Variants in IKZF2 observed in about 807,000 individuals in gnomAD.
The protein encoded by IKZF2 is IKAROS family zinc finger 2.
IKZF2 carries 15 observed loss-of-function variants against 49.2 expected under a neutral mutation model. The ratio of observed to expected loss-of-function variants is 0.30; its 90% CI spans 0.20 to 0.47. The LOEUF (loss-of-function observed/expected upper bound fraction) is 0.47, where lower values mean the gene tolerates loss of function less well. IKZF2 is among the 20% of genes least tolerant of loss of function. IKZF2 has a pLI of 1.00. For synonymous variants in IKZF2, 227 were observed against 221.4 expected (o/e 1.03, Z -0.23); for missense variants, 567 against 664.6 (o/e 0.85, Z 1.61).
chr2:213,024,661 G>T (rs527756807), intron 6 of IKZF2, among the ~76,000 whole-genome samples: 109 of 152,162 alleles, frequency 7.2e-4, no homozygotes, highest in Non-Finnish European at 1.2e-3. Context: ...TCTGAGACCT[G>T]TAGTCATTTA....
chr2:213,035,960 T>C (rs1400517605), intron 6 of IKZF2, among the ~76,000 whole-genome samples: 1 of 152,138 alleles, frequency 6.6e-6, no homozygotes, highest in Non-Finnish European at 1.5e-5. Flanking sequence ...CATGAGTATA[T>C]TGGAAGTTGG....
At chr2:213,077,935 G>A (rs897525443) in intron 4 of IKZF2, among the ~76,000 whole-genome samples, 1 of 152,088 alleles carries the variant, frequency 6.6e-6, no homozygotes, top group South Asian at 2.1e-4. Flanking sequence ...TAGTTTGGAA[G>A]ATAAAATTCT....
chr2:213,060,904 A>T, intron 4 of IKZF2, among the ~76,000 whole-genome samples: 1 of 151,580 alleles, frequency 6.6e-6, no homozygotes, highest in East Asian at 1.9e-4. Context: ...GGTCAAGTTT[A>T]TGTAGAAAAA....
At chr2:213,086,900 C>T (rs1039868797) in intron 4 of IKZF2, among the ~76,000 whole-genome samples, 1 of 152,106 alleles carries the variant, frequency 6.6e-6, no homozygotes. Context: ...GACTGGCTTT[C>T]CTCCAGGTTC....
chr2:213,031,090 T>C (rs1698381222), intron 6 of IKZF2, among the ~76,000 whole-genome samples: 1 of 152,204 alleles, frequency 6.6e-6, no homozygotes, highest in African/African-American at 2.4e-5. Context: ...CCTCCCAAAG[T>C]GCTGGGATTA....
chr2:213,151,140 T>C (rs1441272999), intron 1 of IKZF2, among the ~76,000 whole-genome samples: 1 of 152,024 alleles, frequency 6.6e-6, no homozygotes, highest in Non-Finnish European at 1.5e-5. Flanking sequence ...TCAACCCGAT[T>C]CCCTGAGCGT....
At chr2:213,106,132 T>C (rs2059516953) in intron 4 of IKZF2, among the ~76,000 whole-genome samples, 1 of 152,196 alleles carries the variant, frequency 6.6e-6, no homozygotes. Context: ...CATGATTAGC[T>C]ATTTCTCTTT....
rs895804810 is a variant in IKZF2, at chr2:213,002,264, A to G, written c.*5096T>C. 1 of 151,564 alleles carries G rather than the reference A, an allele frequency of 6.6e-6. No homozygotes were observed. The highest frequency in any genetic ancestry group is 1.9e-4 in the East Asian group (1 of 5,178). 9.4% of individuals were successfully genotyped at this position (151,564 alleles called of 1,614,324 possible). Reference sequence around the variant, plus strand: ...ACACAACACATATTTTATACAGAAAATATACAAATGCAGTGTTATGGGAGG... The same window carrying G: ...ACACAACACATATTTTATACAGAAAGTATACAAATGCAGTGTTATGGGAGG... On this transcript the variant is annotated 3_prime_UTR_variant, in exon 9 of 9. Transcript: ENST00000434687.
intron 4 of IKZF2, among the ~76,000 whole-genome samples, chr2:213,118,433 G>T (rs1332147374): frequency 4.6e-5 from 7 of 152,000 alleles, no homozygotes; most frequent in Non-Finnish European, 7.4e-5. Flanking sequence ...TATGTTATGT[G>T]GTATTTAAAG....
chr2:213,139,108 A>G (rs2125936349), intron 4 of IKZF2, among the ~76,000 whole-genome samples: 1 of 152,118 alleles, frequency 6.6e-6, no homozygotes, highest in African/African-American at 2.4e-5. Context: ...TACAAATTAA[A>G]GCAGAAATAT....
chr2:213,135,846 C>G (rs2060638865), intron 4 of IKZF2, among the ~76,000 whole-genome samples: 1 of 151,174 alleles, frequency 6.6e-6, no homozygotes, highest in African/African-American at 2.4e-5. Flanking sequence ...CTCAGGAGTA[C>G]GAGAGCGCCT....
chr2:213,129,792 T>C (rs1227333249), intron 4 of IKZF2, among the ~76,000 whole-genome samples: 1 of 152,176 alleles, frequency 6.6e-6, no homozygotes, highest in East Asian at 1.9e-4. Context: ...GAAATGATGA[T>C]AGACTAAAGT....
At chr2:213,058,115 G>A (rs1211927145) in intron 4 of IKZF2, among the ~76,000 whole-genome samples, 1 of 152,140 alleles carries the variant, frequency 6.6e-6, no homozygotes, top group African/African-American at 2.4e-5. Flanking sequence ...TAAAAAGGAA[G>A]TAAGTTCTTT....
At chr2:213,102,867 A>T (rs1706875739) in intron 4 of IKZF2, among the ~76,000 whole-genome samples, 1 of 152,090 alleles carries the variant, frequency 6.6e-6, no homozygotes, top group African/African-American at 2.4e-5. Context: ...TCAAGAGGAA[A>T]GCACATGTGA....
At chr2:213,047,624 T>C (rs969797105) in intron 6 of IKZF2, among the ~76,000 whole-genome samples, 3 of 152,076 alleles carry the variant, frequency 2.0e-5, no homozygotes, top group Non-Finnish European at 2.9e-5. Context: ...AAGCTGAGAA[T>C]ACTCACTAGC....
At chr2:213,063,519 A>C (rs887387319) in intron 4 of IKZF2, among the ~76,000 whole-genome samples, 1 of 152,138 alleles carries the variant, frequency 6.6e-6, no homozygotes, top group African/African-American at 2.4e-5. Context: ...TAGATAAAAT[A>C]ATCTCTGGTA....
chr2:213,129,357 G>A (rs138595094), intron 4 of IKZF2, among the ~76,000 whole-genome samples: 6 of 148,336 alleles, frequency 4.0e-5, no homozygotes, highest in East Asian at 2.0e-4. Context: ...CCAAGGAGGC[G>A]ACAGTTAAAT....
At chr2:213,131,015 T>C (rs2060459545) in intron 4 of IKZF2, among the ~76,000 whole-genome samples, 1 of 152,182 alleles carries the variant, frequency 6.6e-6, no homozygotes, top group Admixed American at 6.5e-5. Flanking sequence ...TAAAACTAGA[T>C]AATGATTGCT....
At chr2:213,036,377 G>A (rs1699027721) in intron 6 of IKZF2, among the ~76,000 whole-genome samples, 3 of 152,068 alleles carry the variant, frequency 2.0e-5, no homozygotes, top group African/African-American at 4.8e-5. Context: ...CATAATGCTT[G>A]TCACAAAATA....
Sources: allele counts gnomAD v4.1 joint callset (sites outside exome capture counted in the v4.1 genomes callset), GRCh38; gene constraint gnomAD v4.1.1; transcripts MANE v1.5; gene names NCBI Gene and HGNC (gene_info 2026-07-23, HGNC 2026-07-21).